NEK6: variants seen among roughly 807,000 people sequenced by gnomAD.
NEK6 encodes the protein serine/threonine-protein kinase Nek6.
In NEK6, 27 loss-of-function variants were observed where a neutral mutation model predicts 43.5. The ratio of observed to expected loss-of-function variants is 0.62; its 90% CI spans 0.46 to 0.86. The LOEUF (loss-of-function observed/expected upper bound fraction) is 0.86. NEK6 is among the 40% of genes least tolerant of loss of function. The pLI, the probability that NEK6 is intolerant of heterozygous loss-of-function variation, is 0.00. For missense variants in NEK6, 318 were observed against 414.4 expected (o/e 0.77, Z 2.02); for synonymous variants, 167 against 164.1 (o/e 1.02, Z -0.14).
intron 3 of NEK6, 115 bp from the exon 4 acceptor site, chr9:124,313,808 A>G: frequency 1.0e-6 from 1 of 988,992 alleles, no homozygotes; most frequent in Non-Finnish European, 1.5e-6. Context: ...GGGGTCACAG[A>G]GTCCCTTGGT....
At chr9:124,312,869 G>A (rs1396288882) in intron 3 of NEK6, among the ~76,000 whole-genome samples, 1 of 152,252 alleles carries the variant, frequency 6.6e-6, no homozygotes, top group Non-Finnish European at 1.5e-5. Context: ...AGCGCCTGCT[G>A]TGTACTGGGT....
At chr9:124,338,004 TCTCA>T (rs1373760579) in intron 7 of NEK6, among the ~76,000 whole-genome samples, 27 of 152,146 alleles carry the variant, frequency 1.8e-4, no homozygotes, top group Admixed American at 1.4e-3. Context: ...TGAGACAGAG[TCTCA>T]CTCACTCTCT....
intron 2 of NEK6, among the ~76,000 whole-genome samples, chr9:124,307,483 C>G (rs569057409): frequency 6.6e-6 from 1 of 152,358 alleles, no homozygotes; most frequent in Admixed American, 6.5e-5. Flanking sequence ...CCACCCTCCT[C>G]CTCTCAAATC....
intron 4 of NEK6, 47 bp downstream of exon 4, chr9:124,314,032 C>T: frequency 6.3e-7 from 1 of 1,576,866 alleles, no homozygotes; most frequent in Non-Finnish European, 8.7e-7. Flanking sequence ...CGGGGAGGTT[C>T]TGGGGCCGCG....
intron 1 of NEK6, among the ~76,000 whole-genome samples, chr9:124,276,380 C>T (rs1197836144): frequency 6.6e-6 from 1 of 152,204 alleles, no homozygotes; most frequent in South Asian, 2.1e-4. Flanking sequence ...CCTTGACTCT[C>T]CTCTGACCCT....
intron 1 of NEK6, among the ~76,000 whole-genome samples, chr9:124,266,384 G>C (rs1035908334): frequency 6.6e-6 from 1 of 152,184 alleles, no homozygotes; most frequent in African/African-American, 2.4e-5. Flanking sequence ...ACGAGCATCA[G>C]CCTGAGTGCT....
intron 1 of NEK6, among the ~76,000 whole-genome samples, chr9:124,289,155 C>T (rs191432017): frequency 7.2e-6 from 1 of 138,552 alleles, no homozygotes; most frequent in Non-Finnish European, 1.5e-5. Context: ...CTAGTTAAGA[C>T]TTTGATTGGA....
At chr9:124,292,860 A>G (rs1035128582) in intron 1 of NEK6, 337 of 1,449,182 alleles carry the variant, frequency 2.3e-4, no homozygotes, top group Non-Finnish European at 3.0e-4. Context: ...AGAAGAAGAC[A>G]CATGAATTAG....
intron 4 of NEK6, among the ~76,000 whole-genome samples, chr9:124,320,814 A>G (rs909648879): frequency 6.6e-6 from 1 of 152,278 alleles, no homozygotes. Context: ...CACAAGGGCC[A>G]GGCATGGTGG....
chr9:124,309,728 C>T (rs1024856837), intron 2 of NEK6, among the ~76,000 whole-genome samples: 1 of 152,176 alleles, frequency 6.6e-6, no homozygotes, highest in African/African-American at 2.4e-5. Flanking sequence ...TGAGTACGTG[C>T]GATTCTTCTA....
chr9:124,341,661 TCCTCCCTG>T (rs1165994798), intron 8 of NEK6, among the ~76,000 whole-genome samples: 4 of 151,960 alleles, frequency 2.6e-5, no homozygotes, highest in African/African-American at 9.7e-5. Flanking sequence ...GAGCCATTTG[TCCTCCCTG>T]CCTCCCTGTC....
At chr9:124,314,466 G>T (rs1833713153) in intron 4 of NEK6, among the ~76,000 whole-genome samples, 3 of 150,006 alleles carry the variant, frequency 2.0e-5, no homozygotes, top group South Asian at 4.3e-4. Context: ...CTTTGGTTTT[G>T]TTGGTAGTGG....
At chr9:124,319,510 G>C (rs904135928) in intron 4 of NEK6, among the ~76,000 whole-genome samples, 2 of 152,112 alleles carry the variant, frequency 1.3e-5, no homozygotes, top group Non-Finnish European at 2.9e-5. Context: ...TTAAGGACTT[G>C]GTCTTAAATT....
intron 1 of NEK6, among the ~76,000 whole-genome samples, chr9:124,291,626 CAAAT>C (rs911500400): frequency 3.4e-5 from 5 of 148,176 alleles, no homozygotes; most frequent in African/African-American, 1.2e-4. Flanking sequence ...AACTCCATCT[CAAAT>C]AAATAAATAA....
intron 1 of NEK6, chr9:124,261,590 T>G: frequency 2.0e-6 from 2 of 985,422 alleles, no homozygotes; most frequent in Non-Finnish European, 2.4e-6. Context: ...GTAGGTAGGC[T>G]TCTTGTCACT....
Position 124,331,016 on chromosome 9 carries a change from A to G in NEK6, c.622+3571A>G, listed in dbSNP as rs1588525895. Among the ~76,000 whole-genome samples, 5 of 152,106 alleles carry G rather than the reference A, an allele frequency of 3.3e-5. No individual in the cohort carries two copies. In the South Asian group the frequency reaches 1.0e-3, roughly 32 times the overall value. On this transcript the variant is annotated intron_variant, in intron 7 of 9. Transcript: ENST00000320246. ...GGTGGCTCCCGCCTGTGATCTCAGC[A>G]CTTTGGGAAGCCGAGGCAGTCAGAT...
At chr9:124,271,123 G>A (rs918426291) in intron 1 of NEK6, among the ~76,000 whole-genome samples, 2 of 152,214 alleles carry the variant, frequency 1.3e-5, no homozygotes, top group South Asian at 2.1e-4. Flanking sequence ...CTCTTCATCC[G>A]GAGCCTCTGG....
chr9:124,289,505 C>G (rs1173922898), intron 1 of NEK6, among the ~76,000 whole-genome samples: 4 of 152,150 alleles, frequency 2.6e-5, no homozygotes, highest in Admixed American at 2.0e-4. Flanking sequence ...ATACACACCT[C>G]CATGGCTGTG....
At chr9:124,340,911 G>A (rs1433409124) in intron 8 of NEK6, among the ~76,000 whole-genome samples, 1 of 152,248 alleles carries the variant, frequency 6.6e-6, no homozygotes, top group East Asian at 1.9e-4. Flanking sequence ...CGTGGGACCC[G>A]CGGCCGCTCT....
Sources: gnomAD v4.1 joint callset for allele counts (sites outside exome capture counted in the v4.1 genomes callset) on GRCh38, gnomAD v4.1.1 for gene constraint, MANE v1.5 for transcripts, NCBI Gene and HGNC (gene_info 2026-07-23, HGNC 2026-07-21) for gene names.